Variants in KHDRBS2 observed in about 807,000 individuals in gnomAD.
The protein encoded by KHDRBS2 is KH RNA binding domain containing, signal transduction associated 2, also known as KH domain-containing, RNA-binding, signal transduction-associated protein 2.
A neutral mutation model predicts 44.3 loss-of-function variants in KHDRBS2; 26 were observed. The ratio of observed to expected loss-of-function variants is 0.59; its 90% CI spans 0.43 to 0.81. KHDRBS2 has a LOEUF of 0.81. KHDRBS2 is among the 40% of genes least tolerant of loss of function. The pLI is 0.00. For synonymous variants in KHDRBS2, 194 were observed against 151.1 expected (o/e 1.28, Z -2.08); for missense variants, 476 against 433.1 (o/e 1.10, Z -0.88).
At chr6:62,109,595 TA>T (rs2127381886) in intron 2 of KHDRBS2, among the ~76,000 whole-genome samples, 1 of 152,064 alleles carries the variant, frequency 6.6e-6, no homozygotes, top group South Asian at 2.1e-4. Context: ...GGGTAAAGGA[TA>T]AAAGATCAAT....
At chr6:62,218,488 A>T (rs1830380497) in intron 1 of KHDRBS2, among the ~76,000 whole-genome samples, 1 of 151,880 alleles carries the variant, frequency 6.6e-6, no homozygotes, top group Non-Finnish European at 1.5e-5. Context: ...AGAGTACAGA[A>T]GTGAAAATTA....
At chr6:62,278,972 T>C (rs1228788585) in intron 1 of KHDRBS2, among the ~76,000 whole-genome samples, 1 of 152,098 alleles carries the variant, frequency 6.6e-6, no homozygotes, top group East Asian at 1.9e-4. Context: ...CGGGTGCCTG[T>C]AGTCCCAGCT....
intron 6 of KHDRBS2, among the ~76,000 whole-genome samples, chr6:61,843,547 A>T (rs1793921395): frequency 6.6e-6 from 1 of 151,542 alleles, no homozygotes; most frequent in Admixed American, 6.6e-5. Context: ...GTATTTTTTT[A>T]GTAGAGACGG....
At chr6:61,931,788 AT>A (rs1421173305) in intron 4 of KHDRBS2, among the ~76,000 whole-genome samples, 2 of 151,908 alleles carry the variant, frequency 1.3e-5, no homozygotes, top group Non-Finnish European at 2.9e-5. Flanking sequence ...GTGTCTGCCT[AT>A]CCTGCCTCCT....
intron 7 of KHDRBS2, among the ~76,000 whole-genome samples, chr6:61,717,983 A>G (rs1274439202): frequency 2.0e-5 from 3 of 152,088 alleles, no homozygotes; most frequent in Non-Finnish European, 2.9e-5. Context: ...CAAATCCAAC[A>G]TTTACTATTT....
At chr6:62,105,014 C>A (rs1195731871) in intron 2 of KHDRBS2, among the ~76,000 whole-genome samples, 1 of 151,986 alleles carries the variant, frequency 6.6e-6, no homozygotes, top group Admixed American at 6.6e-5. Flanking sequence ...ATAAACAATG[C>A]TGTGTCTGTA....
chr6:61,871,900 A>C (rs1010221118), intron 6 of KHDRBS2, among the ~76,000 whole-genome samples: 2 of 144,322 alleles, frequency 1.4e-5, no homozygotes, highest in African/African-American at 5.0e-5. Flanking sequence ...TCGTGAGTAC[A>C]CATGGACACA....
chr6:61,657,448 A>G, the KHDRBS2 span, among the ~76,000 whole-genome samples: 1 of 152,000 alleles, frequency 6.6e-6, no homozygotes, highest in South Asian at 2.1e-4. Flanking sequence ...TTCCACGACA[A>G]CAACCAAAAA....
rs566675068 is a variant in KHDRBS2 at position 61,945,360 on chromosome 6, T to G, written c.483+32706A>C. On this transcript the variant is annotated intron_variant, in intron 4 of 8. Coordinates refer to ENST00000281156, the MANE Select transcript of KHDRBS2 (RefSeq NM_152688.4). Reference sequence around the variant, plus strand: ...TTTTTAAAAAGATATAATTATGCCCTAATATTTATTGTACTAAACATTTTG... The same window carrying G: ...TTTTTAAAAAGATATAATTATGCCCGAATATTTATTGTACTAAACATTTTG... 1.6e-3 allele frequency among the ~76,000 whole-genome samples: 238 copies of G among 151,482 alleles called. 8 individuals are homozygous for G. In the South Asian group the frequency reaches 0.046, roughly 29 times the overall value.
intron 1 of KHDRBS2, among the ~76,000 whole-genome samples, chr6:62,184,112 C>T (rs1822943178): frequency 6.6e-6 from 1 of 151,508 alleles, no homozygotes; most frequent in African/African-American, 2.4e-5. Context: ...TAATGCAACA[C>T]AGAAGAATAA....
chr6:61,780,337 T>C (rs547808433), intron 6 of KHDRBS2, among the ~76,000 whole-genome samples: 24 of 151,974 alleles, frequency 1.6e-4, no homozygotes, highest in East Asian at 3.9e-4. Flanking sequence ...CCATCTCTAC[T>C]AAAAACACAA....
intron 2 of KHDRBS2, among the ~76,000 whole-genome samples, chr6:62,087,089 C>T (rs1031927531): frequency 1.3e-5 from 2 of 152,062 alleles, no homozygotes; most frequent in African/African-American, 4.8e-5. Flanking sequence ...AACCTTGTCT[C>T]TTTCTAGAAG....
chr6:61,732,738 T>A lies in KHDRBS2; in HGVS notation c.837A>T (p.Glu279Asp). Residue 279 changes from glutamate (E) to aspartate (D), a missense_variant, in exon 7 of 9, where the codon GAA becomes GAT. Transcript: ENST00000281156. ...AAGTCTCATAGGTCTGGTCATCATA[T>A]TCACCCCCGTAGCCATCATCATAAC... ...EYGYDDGYGG[E>D]YDDQTYETYD... The A allele has an allele frequency of 6.2e-7, 1 of 1,610,006 alleles. No individual in the cohort carries two copies. The highest frequency in any genetic ancestry group is 8.5e-7 in the Non-Finnish European group (1 of 1,176,348).
At chr6:61,654,177 C>T in the KHDRBS2 span, among the ~76,000 whole-genome samples, 290 of 152,110 alleles carry the variant, frequency 1.9e-3, no homozygotes, top group African/African-American at 6.1e-3. Context: ...CTAGAAAGGG[C>T]GCTAACATTT....
the KHDRBS2 span, chr6:61,574,542 C>A: frequency 1.8e-6 from 1 of 543,208 alleles, no homozygotes; most frequent in Non-Finnish European, 3.2e-6. Flanking sequence ...AACCTCCGAG[C>A]AACATATGCT....
the KHDRBS2 span, among the ~76,000 whole-genome samples, chr6:61,672,314 A>T: frequency 6.6e-6 from 1 of 151,978 alleles, no homozygotes; most frequent in Non-Finnish European, 1.5e-5. Context: ...ATACGTGTGC[A>T]TGTGTCTTTA....
At chr6:62,203,201 A>C (rs1031035541) in intron 1 of KHDRBS2, among the ~76,000 whole-genome samples, 3 of 152,110 alleles carry the variant, frequency 2.0e-5, no homozygotes, top group Non-Finnish European at 4.4e-5. Flanking sequence ...TTTTGTCTTC[A>C]TCCTCATGGC....
the KHDRBS2 span, among the ~76,000 whole-genome samples, chr6:61,639,011 G>A: frequency 2.0e-5 from 3 of 152,066 alleles, no homozygotes; most frequent in Non-Finnish European, 2.9e-5. Flanking sequence ...TCTAAGTGGA[G>A]CATCTAGCTG....
At chr6:61,978,026 C>T in intron 4 of KHDRBS2, 40 bp downstream of exon 4, 1 of 1,520,772 alleles carries the variant, frequency 6.6e-7, no homozygotes, top group Non-Finnish European at 8.9e-7. Flanking sequence ...AAAATAGAAG[C>T]TGATAAGAAA....
Sources: allele counts gnomAD v4.1 joint callset (sites outside exome capture counted in the v4.1 genomes callset), GRCh38; gene constraint gnomAD v4.1.1; transcripts MANE v1.5; gene names NCBI Gene and HGNC (gene_info 2026-07-23, HGNC 2026-07-21).